The following CBLC variants were observed in gnomAD, a reference collection of about 807,000 sequenced individuals.
CBLC encodes the protein E3 ubiquitin-protein ligase CBL-C.
CBLC carries 46 observed loss-of-function variants against 58.6 expected under a neutral mutation model. That is an observed-to-expected ratio of 0.79 (90% confidence interval 0.62 to 1.00). The LOEUF is 1.00. Ranked by LOEUF, CBLC falls within the 50% of genes least tolerant of loss-of-function variation. The pLI, the probability that CBLC is intolerant of heterozygous loss-of-function variation, is 0.00. For missense variants in CBLC, 655 were observed against 625.8 expected (o/e 1.05, Z -0.50); for synonymous variants, 271 against 264.2 (o/e 1.03, Z -0.25).
chr19:44,782,441 C>T lies in CBLC; in HGVS notation c.729C>T (p.Thr243=). The T allele has an allele frequency of 6.2e-7, 1 of 1,613,916 alleles. No homozygotes were observed. The highest frequency in any genetic ancestry group is 1.1e-5 in the South Asian group (1 of 91,082). The change falls in exon 4 of 11, where the codon ACC becomes ACT. Residue 243 remains threonine, a synonymous_variant. Coordinates refer to ENST00000647358, the MANE Select transcript of CBLC (RefSeq NM_012116.4). ...VNHPGYMAFL[T]YDEVQERLQA... ...ACCCAGGCTACATGGCCTTCCTCAC[C>T]TATGATGAGGTCCAAGAGCGTCTGC...
At chr19:44,782,855 A>G (rs1568557343) in intron 4 of CBLC, among the ~76,000 whole-genome samples, 1 of 152,116 alleles carries the variant, frequency 6.6e-6, no homozygotes, top group Non-Finnish European at 1.5e-5. Context: ...AAAACAAGAC[A>G]TGAGAGTCCT....
Position 44,781,297 on chromosome 19 carries a change from C to A in CBLC, c.591C>A (p.Thr197=). Residue 197 remains threonine, a synonymous_variant, in exon 3 of 11, where the codon ACC becomes ACA. Coordinates refer to ENST00000647358, the MANE Select transcript of CBLC (RefSeq NM_012116.4). ...PGCTALALRT[T]IDLTCSGHVS... ...GCACAGCCCTGGCCTTGCGCACCAC[C>A]ATTGACCTCACCTGCAGCGGGCACG... 1 of 1,613,614 alleles carries A rather than the reference C, an allele frequency of 6.2e-7. No individual in the cohort carries two copies. The highest frequency in any genetic ancestry group is 1.3e-5 in the African/African-American group (1 of 75,066).
chr19:44,782,301 C>T (rs1967770138), intron 3 of CBLC, 69 bp from the exon 4 acceptor site: 2 of 1,598,658 alleles, frequency 1.3e-6, no homozygotes, highest in Non-Finnish European at 1.7e-6. Flanking sequence ...TCCTCGAGCC[C>T]TAGGGACTAC....
rs188745894 is a variant in CBLC at position 44,782,737 on chromosome 19, A to T, written c.779+246A>T. 1.4e-3 allele frequency among the ~76,000 whole-genome samples: 209 copies of T among 152,304 alleles called. 1 individual carries two copies. Among genetic ancestry groups the T allele is most frequent in the South Asian group, 8.7e-3 (42 of 4,828 alleles). On this transcript the variant is annotated intron_variant, in intron 4 of 10. Transcript: ENST00000647358. ...CAGTGCCCGCTCTAGCAAGGAGCCC[A>T]AAGACCCGCTTGAGGGTAAGGTCCG...
chr19:44,794,340 T>A, intron 9 of CBLC, 59 bp downstream of exon 9: 1 of 1,540,382 alleles, frequency 6.5e-7, no homozygotes, highest in Non-Finnish European at 8.9e-7. Context: ...CCAGGGTCCC[T>A]GGTTCACCTG....
intron 9 of CBLC, among the ~76,000 whole-genome samples, chr19:44,797,574 CT>C (rs763685561): frequency 3.0e-3 from 405 of 132,956 alleles, no homozygotes; most frequent in Non-Finnish European, 3.5e-3. Context: ...CCTGGCATTG[CT>C]TTTTTTTTTT....
intron 5 of CBLC, among the ~76,000 whole-genome samples, chr19:44,786,471 T>C (rs932901978): frequency 1.5e-4 from 23 of 151,014 alleles, no homozygotes; most frequent in Admixed American, 5.3e-4. Context: ...GGCGGGCACC[T>C]GTAGTCCCAG....
chr19:44,792,314 G>T, intron 6 of CBLC, 69 bp from the exon 7 acceptor site: 1 of 1,581,190 alleles, frequency 6.3e-7, no homozygotes, highest in Admixed American at 1.7e-5. Context: ...TTTTCTTCCT[G>T]TGGCCCAAGT....
chr19:44,793,518 G>C lies in CBLC; in HGVS notation c.1182G>C (p.Lys394Asn), dbSNP rs769396781. 1 of 1,612,776 alleles carries C rather than the reference G, an allele frequency of 6.2e-7. No individual in the cohort carries two copies. The highest frequency in any genetic ancestry group is 1.7e-5 in the Admixed American group (1 of 59,700). Residue 394 changes from lysine (K) to asparagine (N), a missense_variant, in exon 8 of 11, where the codon AAG becomes AAC. By Grantham distance (94) the Lys-to-Asn change is moderately conservative (BLOSUM62 0). Around this residue, in one of 3 missense-constraint regions of CBLC, gnomAD observed 371 missense variants for 370.8 expected, o/e 1.00. Coordinates refer to ENST00000647358, the MANE Select transcript of CBLC (RefSeq NM_012116.4). ...QTCPFCRCEI[K>N]GWEAVSIYQF... ...GCCCCTTCTGCCGCTGCGAGATCAAGGGCTGGGAGGCCGTGAGTATCTACC... is the reference window on the plus strand; with the variant it reads ...GCCCCTTCTGCCGCTGCGAGATCAACGGCTGGGAGGCCGTGAGTATCTACC...
intron 1 of CBLC, among the ~76,000 whole-genome samples, chr19:44,780,318 T>G (rs1967686062): frequency 6.6e-6 from 1 of 151,374 alleles, no homozygotes; most frequent in South Asian, 2.1e-4. Flanking sequence ...TAGTTTTTAT[T>G]AGAGACAGGG....
At chr19:44,784,737 A>G (rs902118653) in intron 5 of CBLC, among the ~76,000 whole-genome samples, 4 of 151,986 alleles carry the variant, frequency 2.6e-5, no homozygotes, top group African/African-American at 7.2e-5. Context: ...ACTTTAGTTA[A>G]TTTTTAAAAA....
At position 44,791,125 on chromosome 19, in the gene CBLC, G is replaced by GA. The variant is rs201352566; in HGVS notation, c.1005+1045dup. 2.4e-4 allele frequency among the ~76,000 whole-genome samples: 33 copies of GA among 140,366 alleles called. No individual in the cohort carries two copies. In the Middle Eastern group the frequency reaches 0.011, roughly 47 times the overall value. The allele number at this position is 140,366 out of a possible 152,430, so 92.1% of individuals were successfully genotyped here. Reference sequence around the variant, plus strand: ...CAGAGTGAGACTTGGTCTCAAGAAAGAAAAAAAAAAAGAAAGAAAGAAATT... The same window carrying GA: ...CAGAGTGAGACTTGGTCTCAAGAAAGAAAAAAAAAAAAGAAAGAAAGAAATT... On this transcript the variant is annotated intron_variant, in intron 6 of 10. Transcript: ENST00000647358.
At position 44,793,410 on chromosome 19, in the gene CBLC, T is replaced by G. The variant is rs553110344; in HGVS notation, c.1138-64T>G. Reference sequence around the variant, plus strand: ...AATCTTTTGGGCGGGGAGCTCCTCGTTGGCCCAAGGGACAGGATGGAGAGC... The same window carrying G: ...AATCTTTTGGGCGGGGAGCTCCTCGGTGGCCCAAGGGACAGGATGGAGAGC... On this transcript the variant is annotated intron_variant, in intron 7 of 10. Coordinates refer to ENST00000647358, the MANE Select transcript of CBLC (RefSeq NM_012116.4). The G allele has an allele frequency of 2.4e-4, 354 of 1,486,642 alleles. 3 individuals carry two copies. The East Asian group carries it at 8.5e-3, about 36-fold the overall frequency. 92.1% of individuals were successfully genotyped at this position (1,486,642 alleles called of 1,614,324 possible).
rs796833574 is a variant in CBLC, at chr19:44,799,710, A to AGG, written c.1363-671_1363-670insGG. ...AAGTAAAGAAAGAGAGAGAGAAAGA[A>AGG]AGGGAGAGAAAGAAGGAGGGAGAGA... is the stretch of plus-strand genomic sequence containing the variant. On this transcript the variant is annotated intron_variant, in intron 9 of 10. Transcript: ENST00000647358. Among the ~76,000 whole-genome samples, 1,172 of 151,218 alleles carry AGG rather than the reference A, an allele frequency of 7.8e-3. 15 individuals are homozygous for AGG. Among genetic ancestry groups the AGG allele is most frequent in the African/African-American group, 0.027 (1,107 of 41,188 alleles).
chr19:44,794,029 G>A, intron 8 of CBLC, 175 bp from the exon 9 acceptor site: 1 of 693,848 alleles, frequency 1.4e-6, no homozygotes, highest in Non-Finnish European at 1.8e-6. Context: ...CCCAAGGGCT[G>A]GGGCTGTGGC....
At chr19:44,792,344 C>T (rs752250960) in intron 6 of CBLC, 39 bp from the exon 7 acceptor site, 3 of 1,609,686 alleles carry the variant, frequency 1.9e-6, no homozygotes, top group South Asian at 1.1e-5. Context: ...GTGGCTGACG[C>T]ATGCCCCTCG....
chr19:44,779,766 C>T (rs117592775), intron 1 of CBLC, among the ~76,000 whole-genome samples: 1,836 of 151,910 alleles, frequency 0.012, 15 homozygotes, highest in African/African-American at 0.014. Context: ...TTGGCTAGGC[C>T]GGTCTCAAAC....
At chr19:44,794,711 C>A (rs79651434) in intron 9 of CBLC, among the ~76,000 whole-genome samples, 2 of 152,030 alleles carry the variant, frequency 1.3e-5, no homozygotes, top group East Asian at 1.9e-4. Flanking sequence ...TATCTGCCCC[C>A]CTCAGCCTCC....
chr19:44,800,104 C>T (rs1199580860), intron 9 of CBLC, among the ~76,000 whole-genome samples: 1 of 152,210 alleles, frequency 6.6e-6, no homozygotes, highest in African/African-American at 2.4e-5. Flanking sequence ...TGTGTCACCC[C>T]TGTCCAGGGC....
Sources: gnomAD v4.1 joint callset for allele counts (sites outside exome capture counted in the v4.1 genomes callset) on GRCh38, gnomAD v4.1.1 for gene constraint, gnomAD v4.1.1 regional missense constraint, MANE v1.5 for transcripts, NCBI Gene and HGNC (gene_info 2026-07-23, HGNC 2026-07-21) for gene names.